ADHFE1: variants seen among roughly 807,000 people sequenced by gnomAD.
ADHFE1 encodes alcohol dehydrogenase iron containing 1.
A neutral mutation model predicts 54.8 loss-of-function variants in ADHFE1; 37 were observed. The ratio of observed to expected loss-of-function variants is 0.68; its 90% CI spans 0.52 to 0.89. The LOEUF (loss-of-function observed/expected upper bound fraction) is 0.89. Among genes scored for constraint, ADHFE1 ranks in the 40% least tolerant of loss-of-function variants. ADHFE1 has a pLI of 0.00. For synonymous variants in ADHFE1, 203 were observed against 229.3 expected (o/e 0.89, Z 1.04); for missense variants, 601 against 591.2 (o/e 1.02, Z -0.17).
intron 13 of ADHFE1, among the ~76,000 whole-genome samples, chr8:66,461,513 T>C (rs1806896800): frequency 6.6e-6 from 1 of 152,028 alleles, no homozygotes; most frequent in Non-Finnish European, 1.5e-5. Context: ...ACCACTCACT[T>C]AAGATAATAT....
At chr8:66,455,007 A>G (rs1806503621) in intron 10 of ADHFE1, among the ~76,000 whole-genome samples, 1 of 152,156 alleles carries the variant, frequency 6.6e-6, no homozygotes, top group Admixed American at 6.5e-5. Context: ...ATGAGCCACC[A>G]CGCCCAGCCT....
At chr8:66,447,197 C>A in intron 6 of ADHFE1, 67 bp from the exon 7 acceptor site, 1 of 1,411,398 alleles carries the variant, frequency 7.1e-7, no homozygotes, top group Non-Finnish European at 9.9e-7. Context: ...AGTCCTAAGG[C>A]TGAATTAGGT....
chr8:66,443,264 A>ATTTTGTTTTTTTTTT (rs1805852279), intron 3 of ADHFE1, among the ~76,000 whole-genome samples: 1 of 86,094 alleles, frequency 1.2e-5, no homozygotes, highest in Non-Finnish European at 2.4e-5. Flanking sequence ...TAGTCCAGGA[A>ATTTTGTTTTTTTTTT]TTTTTTTTTT....
At position 66,444,678 on chromosome 8, in the gene ADHFE1, G is replaced by A. The variant is rs745609747; in HGVS notation, c.283G>A (p.Asp95Asn). The change falls in exon 5 of 14, where the codon GAT (aspartate) becomes AAT (asparagine). Residue 95 changes from aspartate to asparagine, a missense_variant. Asp to Asn is a conservative substitution (Grantham distance 23). Coordinates refer to ENST00000396623, the MANE Select transcript of ADHFE1 (RefSeq NM_144650.3). ...SKLPPVQVAM[D>N]SLVKNGIPFT... ...GCTCCCTCCTGTGCAAGTAGCTATG[G>A]ATTCCCTAGTGAAGAATGGCATCCC... 35 of 1,614,096 alleles carry A rather than the reference G, an allele frequency of 2.2e-5. No individual in the cohort carries two copies. Among genetic ancestry groups the A allele is most frequent in the Non-Finnish European group, 2.8e-5 (33 of 1,180,054 alleles).
In ADHFE1 at chr8:66,436,069, C is replaced by T. The variant is rs536839723; in HGVS notation, c.59+3494C>T. ...TAGCTGGGATTACAGGCACACACCACCACACCTGGCTAATTTTTGTATTTT... is the reference window on the plus strand; with the variant it reads ...TAGCTGGGATTACAGGCACACACCATCACACCTGGCTAATTTTTGTATTTT... On this transcript the variant is annotated intron_variant, in intron 1 of 13. Coordinates refer to ENST00000396623, the MANE Select transcript of ADHFE1 (RefSeq NM_144650.3). Among the ~76,000 whole-genome samples the T allele has an allele frequency of 5.9e-5, 9 of 152,072 alleles. No homozygotes were observed. The South Asian group carries it at 1.9e-3, about 32-fold the overall frequency.
intron 1 of ADHFE1, among the ~76,000 whole-genome samples, chr8:66,437,539 G>T (rs946134682): frequency 1.4e-5 from 2 of 148,076 alleles, no homozygotes; most frequent in South Asian, 4.3e-4. Context: ...CCCACAGCCT[G>T]CCCCCACCCC....
chr8:66,438,907 G>C (rs1461172140), intron 1 of ADHFE1, among the ~76,000 whole-genome samples: 1 of 151,990 alleles, frequency 6.6e-6, no homozygotes, highest in Non-Finnish European at 1.5e-5. Context: ...AGGAAGCAAG[G>C]GTTCCCAGGA....
In ADHFE1 at chr8:66,445,432, C is replaced by T; in HGVS notation, c.550+18C>T. On this transcript the variant is annotated intron_variant, in intron 6 of 13. Coordinates refer to ENST00000396623, the MANE Select transcript of ADHFE1 (RefSeq NM_144650.3). ...GATTGCAGGTAAAGACTGTTTATTT[C>T]TTTGTTTGTTTTATTTTGCAATGAG... 6.3e-7 allele frequency: 1 copy of T among 1,582,464 alleles called. No individual in the cohort carries two copies. Among genetic ancestry groups the T allele is most frequent in the Non-Finnish European group, 8.6e-7 (1 of 1,167,516 alleles).
At chr8:66,443,313 T>TGTC (rs1805861764) in intron 3 of ADHFE1, among the ~76,000 whole-genome samples, 1 of 133,370 alleles carries the variant, frequency 7.5e-6, no homozygotes, top group Non-Finnish European at 1.6e-5. Context: ...AGCCTCACTC[T>TGTC]GTCACCCAGA....
rs144939974 is a variant in ADHFE1, at chr8:66,463,960, A to G, written c.1320+3495A>G. Among the ~76,000 whole-genome samples the G allele has an allele frequency of 1.7e-3, 259 of 152,360 alleles. 2 individuals carry two copies. The highest frequency in any genetic ancestry group is 5.8e-3 in the African/African-American group (242 of 41,586). ...CTGCAAGGGGAGCAGGCAAGAATAT[A>G]TTAATCTTCCAAGCTGGATTTCTAA... On this transcript the variant is annotated intron_variant, in intron 13 of 13. Transcript: ENST00000396623.
intron 12 of ADHFE1, among the ~76,000 whole-genome samples, chr8:66,458,708 T>C (rs1046873256): frequency 6.6e-6 from 1 of 152,196 alleles, no homozygotes; most frequent in Non-Finnish European, 1.5e-5. Context: ...GAAGTTTTAA[T>C]GTTATCTACA....
chr8:66,440,521 GATGA>G (rs747904838), intron 2 of ADHFE1, among the ~76,000 whole-genome samples: 18 of 152,334 alleles, frequency 1.2e-4, no homozygotes, highest in South Asian at 4.1e-4. Context: ...AATTAATCAA[GATGA>G]AGTCTTTGGA....
chr8:66,444,350 C>A lies in ADHFE1; in HGVS notation c.145-17C>A, dbSNP rs754135901. On this transcript the variant is annotated splice_polypyrimidine_tract_variant and intron_variant, in intron 3 of 13. Coordinates refer to ENST00000396623, the MANE Select transcript of ADHFE1 (RefSeq NM_144650.3). ...TCTCAAATACTCCCTACACCTAAAC[C>A]TTTTTATTTTTTTCAGATGGCTGTT... 15 of 1,613,706 alleles carry A rather than the reference C, an allele frequency of 9.3e-6. No homozygotes were observed. The highest frequency in any genetic ancestry group is 1.3e-5 in the Non-Finnish European group (15 of 1,179,706).
rs1479199299 is a variant in ADHFE1 at position 66,449,425 on chromosome 8, A to G, written c.734+455A>G. Among the ~76,000 whole-genome samples the G allele has an allele frequency of 4.6e-5, 7 of 152,218 alleles. No individual in the cohort carries two copies. The East Asian group carries it at 7.7e-4, about 17-fold the overall frequency. ...ATGGAAGAGGGCAGGGAACAGAGCT[A>G]ACACCTCCAGAGCACCCCCAGACCA... On this transcript the variant is annotated intron_variant, in intron 8 of 13. Transcript: ENST00000396623.
chr8:66,448,967 T>C lies in ADHFE1; in HGVS notation c.731T>C (p.Leu244Pro). The change falls in exon 8 of 14, where the codon CTT becomes CCT. Residue 244 changes from leucine (L) to proline (P), a missense_variant. Transcript: ENST00000396623. The stretch of plus-strand genomic sequence containing the variant: ...GTCGCCAACAGTGGCTTTGATGTGC[T>C]TTGGTAAGTGCTGGTGCCTCCTGGA... ...RVVANSGFDV[L>P]CHALESYTTL... The C allele has an allele frequency of 6.2e-7, 1 of 1,614,048 alleles. No homozygotes were observed. Among genetic ancestry groups the C allele is most frequent in the Non-Finnish European group, 8.5e-7 (1 of 1,179,958 alleles).
intron 1 of ADHFE1, among the ~76,000 whole-genome samples, chr8:66,438,821 TAAG>T (rs1374365035): frequency 6.8e-6 from 1 of 147,976 alleles, no homozygotes; most frequent in African/African-American, 2.5e-5. Context: ...AAACCACAAG[TAAG>T]AAGTAGAAAT....
In ADHFE1 at chr8:66,439,512, G is replaced by A. The variant is rs1805634650; in HGVS notation, c.60-650G>A. On this transcript the variant is annotated intron_variant, in intron 1 of 13. Coordinates refer to ENST00000396623, the MANE Select transcript of ADHFE1 (RefSeq NM_144650.3). This position sits in a 1 kb window ranked among gnomAD's most constrained non-coding sequence, Gnocchi z 4.4. ...TGTAGAGAAGTCGACCGAGAAGTGA[G>A]ATGCGGTGGCGACCTCGGAGCGCAC... 4.1e-6 allele frequency: 4 copies of A among 985,808 alleles called. No homozygotes were observed. The highest frequency in any genetic ancestry group is 4.8e-6 in the Non-Finnish European group (4 of 830,116). The allele number at this position is 985,808 out of a possible 1,614,324, so 61.1% of individuals were successfully genotyped here.
chr8:66,454,807 A>G (rs945383279), intron 10 of ADHFE1, among the ~76,000 whole-genome samples: 2 of 151,834 alleles, frequency 1.3e-5, no homozygotes, highest in African/African-American at 4.8e-5. Flanking sequence ...TCCACCTCCC[A>G]GGTTCAAGCA....
intron 13 of ADHFE1, among the ~76,000 whole-genome samples, chr8:66,466,063 G>A (rs1403802235): frequency 3.6e-5 from 5 of 137,842 alleles, no homozygotes; most frequent in Non-Finnish European, 7.9e-5. Context: ...TTTTTTCCCT[G>A]TGCTTTTTCT....
Sources: allele counts gnomAD v4.1 joint callset (sites outside exome capture counted in the v4.1 genomes callset), GRCh38; gene constraint gnomAD v4.1.1; non-coding constraint Gnocchi (gnomAD v3.1); transcripts MANE v1.5; gene names NCBI Gene and HGNC (gene_info 2026-07-23, HGNC 2026-07-21).